The following MEGF11 variants were observed in gnomAD, a reference collection of about 807,000 sequenced individuals.
MEGF11 encodes multiple epidermal growth factor-like domains protein 11.
MEGF11 carries 126 observed loss-of-function variants against 146.6 expected under a neutral mutation model. That is an observed-to-expected ratio of 0.86 (90% CI 0.74 to 1.00). The LOEUF (loss-of-function observed/expected upper bound fraction) is 1.00, where lower values mean the gene tolerates loss of function less well. MEGF11 is among the 50% of genes least tolerant of loss of function. The pLI is 0.00. For synonymous variants in MEGF11, 532 were observed against 583.4 expected (o/e 0.91, Z 1.27); for missense variants, 1,509 against 1,521.2 (o/e 0.99, Z 0.13).
At chr15:65,984,525 CAAAAAAA>C (rs35017296) in intron 5 of MEGF11, among the ~76,000 whole-genome samples, 821 of 49,504 alleles carry the variant, frequency 0.017, 6 homozygotes, top group African/African-American at 0.021. Flanking sequence ...GACTCCGTGT[CAAAAAAA>C]AAAAAAAAAA....
rs533591465 is a variant in MEGF11, at chr15:65,941,583, C to A, written c.1288-10640G>T. Among the ~76,000 whole-genome samples, 3 of 152,294 alleles carry A rather than the reference C, an allele frequency of 2.0e-5. No individual in the cohort carries two copies. The East Asian group carries it at 5.8e-4, about 29-fold the overall frequency. On this transcript the variant is annotated intron_variant, in intron 10 of 25. Coordinates refer to ENST00000395614, the MANE Select transcript of MEGF11 (RefSeq NM_001385028.1). ...GGACTCAGTTGCAGTTCTTGTGGAGCAGTTTCTTTTCTCCTCTGTATTGAT... is the reference window on the plus strand; with the variant it reads ...GGACTCAGTTGCAGTTCTTGTGGAGAAGTTTCTTTTCTCCTCTGTATTGAT...
chr15:65,961,658 C>T (rs1039961828), intron 9 of MEGF11, among the ~76,000 whole-genome samples: 11 of 152,222 alleles, frequency 7.2e-5, no homozygotes, highest in African/African-American at 2.7e-4. Context: ...CTTCCCAGGG[C>T]ATGGATTCAA....
intron 1 of MEGF11, among the ~76,000 whole-genome samples, chr15:66,145,004 G>A (rs2089310508): frequency 6.6e-6 from 1 of 152,190 alleles, no homozygotes; most frequent in African/African-American, 2.4e-5. Flanking sequence ...AGGAGTGATG[G>A]CAGAGCAGGC....
At chr15:66,086,547 T>C (rs936886388) in intron 5 of MEGF11, among the ~76,000 whole-genome samples, 1 of 152,200 alleles carries the variant, frequency 6.6e-6, no homozygotes, top group East Asian at 1.9e-4. Flanking sequence ...AAGAATTTTG[T>C]ATCCAGCAAA....
chr15:66,027,029 T>C (rs896795917), intron 5 of MEGF11, among the ~76,000 whole-genome samples: 5 of 152,226 alleles, frequency 3.3e-5, no homozygotes, highest in Admixed American at 6.5e-5. Context: ...GTGATCCGCC[T>C]GATTATCTCT....
chr15:65,898,128 C>T (rs1245391921), intron 25 of MEGF11, 34 bp from the exon 26 acceptor site: 3 of 1,590,206 alleles, frequency 1.9e-6, no homozygotes, highest in African/African-American at 2.7e-5. Flanking sequence ...GTTCAGAGAA[C>T]AGATTAGCTT....
At chr15:66,118,830 C>T (rs2087863005) in intron 4 of MEGF11, among the ~76,000 whole-genome samples, 1 of 152,208 alleles carries the variant, frequency 6.6e-6, no homozygotes, top group Non-Finnish European at 1.5e-5. Context: ...CCCTATCCCC[C>T]ATCAAGGCCT....
intron 10 of MEGF11, among the ~76,000 whole-genome samples, chr15:65,933,808 A>G (rs758159302): frequency 2.6e-5 from 4 of 152,314 alleles, no homozygotes; most frequent in African/African-American, 4.8e-5. Flanking sequence ...ACCATAGGCA[A>G]TTTACGACAT....
At chr15:66,199,432 G>A (rs1196556420) in intron 1 of MEGF11, among the ~76,000 whole-genome samples, 1 of 151,944 alleles carries the variant, frequency 6.6e-6, no homozygotes, top group African/African-American at 2.4e-5. Context: ...TCAATCTCTG[G>A]CTTGCTCTCC....
chr15:66,248,190 A>C, intron 1 of MEGF11, among the ~76,000 whole-genome samples: 1 of 152,184 alleles, frequency 6.6e-6, no homozygotes, highest in East Asian at 1.9e-4. Flanking sequence ...AAATGTTGCC[A>C]CCATCTTGTG....
Position 66,128,397 on chromosome 15 carries a change from G to A in MEGF11, c.7C>T (p.Leu3Phe). The A allele has an allele frequency of 6.6e-7, 1 of 1,507,090 alleles. No homozygotes were observed. Among genetic ancestry groups the A allele is most frequent in the Non-Finnish European group, 8.9e-7 (1 of 1,126,156 alleles). 93.4% of individuals were successfully genotyped at this position (1,507,090 alleles called of 1,614,324 possible). MV[L>F]SLTGLIAFSF... is the part of the protein sequence containing the mutation. Reference sequence around the variant, plus strand: ...AAGGCAATGAGCCCCGTCAGGGAGAGCACCATCCCGGGCCCTGCACAGGAG... The same window carrying A: ...AAGGCAATGAGCCCCGTCAGGGAGAACACCATCCCGGGCCCTGCACAGGAG... The change falls in exon 2 of 26, where the codon CTC becomes TTC. Residue 3 changes from leucine (L) to phenylalanine (F), a missense_variant. Coordinates refer to ENST00000395614, the MANE Select transcript of MEGF11 (RefSeq NM_001385028.1).
chr15:66,034,169 A>G (rs189593920), intron 5 of MEGF11, among the ~76,000 whole-genome samples: 118 of 152,268 alleles, frequency 7.7e-4, no homozygotes, highest in Admixed American at 1.8e-3. Context: ...CTGTCCCACC[A>G]TTGCATTTTG....
chr15:65,910,370 C>T (rs1284579522), intron 21 of MEGF11, among the ~76,000 whole-genome samples: 2 of 149,326 alleles, frequency 1.3e-5, no homozygotes, highest in South Asian at 2.1e-4. Flanking sequence ...GATGGTTATC[C>T]TCATTTCACA....
chr15:66,251,423 G>A (rs754163980), intron 1 of MEGF11, among the ~76,000 whole-genome samples: 3 of 152,152 alleles, frequency 2.0e-5, no homozygotes, highest in Non-Finnish European at 2.9e-5. Context: ...TTTCCCTATG[G>A]GTTGCACCTG....
intron 7 of MEGF11, among the ~76,000 whole-genome samples, chr15:65,979,084 A>T (rs1321666537): frequency 6.6e-6 from 1 of 151,822 alleles, no homozygotes; most frequent in African/African-American, 2.4e-5. Context: ...TCCTGCCCCC[A>T]CTCTCCGTCA....
rs962233523 is a variant in MEGF11, at chr15:66,175,691, C to T, written c.-8-47280G>A. Among the ~76,000 whole-genome samples the T allele has an allele frequency of 2.1e-4, 32 of 152,272 alleles. 1 individual carries two copies. The highest frequency in any genetic ancestry group is 7.7e-4 in the African/African-American group (32 of 41,544). On this transcript the variant is annotated intron_variant, in intron 1 of 25. Transcript: ENST00000395614. ...CAACTCAAAATCTATTAAAGACTTA[C>T]ATGTAAGACCCATTACTATAAAACT... is the stretch of plus-strand genomic sequence containing the variant.
In MEGF11 at chr15:65,980,903, A is replaced by G. The variant is rs2141679779; in HGVS notation, c.642-5T>C. 4 of 1,572,764 alleles carry G rather than the reference A, an allele frequency of 2.5e-6. No individual in the cohort carries two copies. Among genetic ancestry groups the G allele is most frequent in the Non-Finnish European group, 3.4e-6 (4 of 1,160,426 alleles). ...GGAGGGCACAGCTCCTCGCAGCTGC[A>G]TGGAGAAGCAGAGGTGTTAGACACA... On this transcript the variant is annotated splice_polypyrimidine_tract_variant and splice_region_variant and intron_variant, in intron 6 of 25. Coordinates refer to ENST00000395614, the MANE Select transcript of MEGF11 (RefSeq NM_001385028.1).
chr15:66,033,814 C>T (rs187025008), intron 5 of MEGF11, among the ~76,000 whole-genome samples: 24 of 152,250 alleles, frequency 1.6e-4, no homozygotes, highest in South Asian at 4.2e-4. Flanking sequence ...TTTTGTGAGA[C>T]GGAGTCTCGC....
chr15:66,236,047 G>A (rs569695489), intron 1 of MEGF11, among the ~76,000 whole-genome samples: 4 of 152,338 alleles, frequency 2.6e-5, no homozygotes, highest in African/African-American at 9.6e-5. Flanking sequence ...ACCAGAGGGA[G>A]GGGAGTTCAG....
Sources: allele counts gnomAD v4.1 joint callset (sites outside exome capture counted in the v4.1 genomes callset), GRCh38; gene constraint gnomAD v4.1.1; transcripts MANE v1.5; gene names NCBI Gene and HGNC (gene_info 2026-07-23, HGNC 2026-07-21).